Variants in CCSER1 observed in about 807,000 individuals in gnomAD.
The protein encoded by CCSER1 is serine-rich coiled-coil domain-containing protein 1.
CCSER1 carries 41 observed loss-of-function variants against 82.0 expected under a neutral mutation model. The observed-to-expected ratio is 0.50, with a 90% CI of 0.39 to 0.65. The LOEUF is 0.65. CCSER1 is among the 30% of genes least tolerant of loss of function. The probability of loss-of-function intolerance (pLI) is 0.00; values close to 1 mark genes in which losing one functional copy is unlikely to be tolerated. For synonymous variants in CCSER1, 414 were observed against 383.9 expected, an observed-to-expected ratio of 1.08 and a Z score of -0.92; for missense variants, 1,119 against 1,064.2, an observed-to-expected ratio of 1.05 and a Z score of -0.72.
intron 5 of CCSER1, among the ~76,000 whole-genome samples, chr4:90,515,793 G>T (rs1459566054): frequency 1.3e-5 from 2 of 152,110 alleles, no homozygotes; most frequent in East Asian, 3.9e-4. Context: ...ATTGTTATAT[G>T]TCAGAACTAG....
intron 9 of CCSER1, among the ~76,000 whole-genome samples, chr4:90,976,949 T>C (rs1047425002): frequency 2.6e-5 from 4 of 151,594 alleles, no homozygotes; most frequent in African/African-American, 9.7e-5. Context: ...TTCTCAGCAT[T>C]CATTCAGCAG....
intron 8 of CCSER1, among the ~76,000 whole-genome samples, chr4:90,898,310 C>A (rs1724056554): frequency 1.6e-5 from 1 of 60,608 alleles, no homozygotes; most frequent in Admixed American, 2.1e-4. Flanking sequence ...GAGACAGAGT[C>A]TTGCTCTTGT....
Position 90,137,415 on chromosome 4 carries a change from G to A in CCSER1, c.-42+9584G>A, listed in dbSNP as rs556344265. On this transcript the variant is annotated intron_variant, in intron 1 of 10. Transcript: ENST00000509176. ...AATGGGAAGTTTTACGTTGATTATC[G>A]GGACAATATAGTATGAATTCTAGCC... Among the ~76,000 whole-genome samples, 5 of 152,170 alleles carry A rather than the reference G, an allele frequency of 3.3e-5. 1 individual carries two copies. Among genetic ancestry groups the A allele is most frequent in the African/African-American group, 1.2e-4 (5 of 41,494 alleles).
At chr4:91,081,468 C>G (rs979336073) in intron 9 of CCSER1, among the ~76,000 whole-genome samples, 1 of 152,106 alleles carries the variant, frequency 6.6e-6, no homozygotes, top group Non-Finnish European at 1.5e-5. Flanking sequence ...ACTGAATGGG[C>G]AAAAACTGGA....
intron 5 of CCSER1, among the ~76,000 whole-genome samples, chr4:90,600,169 G>T (rs1783863340): frequency 6.6e-6 from 1 of 152,158 alleles, no homozygotes; most frequent in Admixed American, 6.6e-5. Flanking sequence ...AGGCTTCTAT[G>T]AACATGAGTG....
At chr4:91,487,462 A>C (rs1176850737) in intron 10 of CCSER1, among the ~76,000 whole-genome samples, 1 of 152,144 alleles carries the variant, frequency 6.6e-6, no homozygotes, top group Non-Finnish European at 1.5e-5. Flanking sequence ...AAAACTAAGT[A>C]ATTTGTATGT....
chr4:90,932,286 G>A (rs72882852), intron 9 of CCSER1, among the ~76,000 whole-genome samples: 2,357 of 152,128 alleles, frequency 0.015, 57 homozygotes, highest in African/African-American at 0.053. Flanking sequence ...TTTCAGGTTT[G>A]CCATTATTTT....
chr4:91,225,287 AAT>A (rs1423605619), intron 10 of CCSER1, among the ~76,000 whole-genome samples: 5 of 42,704 alleles, frequency 1.2e-4, no homozygotes, highest in South Asian at 7.0e-4. Flanking sequence ...TTATATATGT[AAT>A]ATATATGTAT....
intron 10 of CCSER1, among the ~76,000 whole-genome samples, chr4:91,230,135 G>A (rs1045097662): frequency 2.0e-5 from 3 of 152,038 alleles, no homozygotes; most frequent in African/African-American, 4.8e-5. Flanking sequence ...ATAAACTTTA[G>A]CCACAAACTT....
chr4:90,868,117 T>C (rs531103902), intron 8 of CCSER1, among the ~76,000 whole-genome samples: 10 of 152,222 alleles, frequency 6.6e-5, no homozygotes, highest in Admixed American at 1.3e-4. Context: ...TACTTTGATA[T>C]AGGCATGCAG....
intron 10 of CCSER1, among the ~76,000 whole-genome samples, chr4:91,234,141 G>A (rs777740514): frequency 1.1e-4 from 17 of 151,934 alleles, no homozygotes; most frequent in African/African-American, 2.4e-4. Context: ...TTTTGATTGC[G>A]TAAAATCCAT....
intron 6 of CCSER1, among the ~76,000 whole-genome samples, chr4:90,708,280 A>G (rs991048844): frequency 8.5e-5 from 13 of 152,204 alleles, no homozygotes; most frequent in African/African-American, 3.1e-4. Context: ...CTGAGGCTTA[A>G]TGTTCTCGCT....
intron 10 of CCSER1, among the ~76,000 whole-genome samples, chr4:91,314,159 G>A (rs948331680): frequency 2.6e-5 from 4 of 151,922 alleles, no homozygotes; most frequent in Non-Finnish European, 4.4e-5. Flanking sequence ...TACATACCCA[G>A]TTATGAAAAC....
chr4:90,763,964 T>A (rs1033056889), intron 7 of CCSER1, among the ~76,000 whole-genome samples: 2 of 152,228 alleles, frequency 1.3e-5, no homozygotes, highest in African/African-American at 4.8e-5. Flanking sequence ...TATAAAGAGC[T>A]TCTAATTTCA....
At chr4:90,259,436 T>A (rs958606772) in intron 1 of CCSER1, among the ~76,000 whole-genome samples, 4 of 152,120 alleles carry the variant, frequency 2.6e-5, no homozygotes, top group South Asian at 4.1e-4. Context: ...TGACTTCTTT[T>A]TTTTTCCCAA....
intron 6 of CCSER1, among the ~76,000 whole-genome samples, chr4:90,696,814 C>A (rs1284590601): frequency 6.6e-6 from 1 of 152,056 alleles, no homozygotes; most frequent in African/African-American, 2.4e-5. Context: ...TATAACTTGC[C>A]TAAGGTCACA....
At chr4:91,263,179 C>G (rs1035208553) in intron 10 of CCSER1, among the ~76,000 whole-genome samples, 1 of 152,134 alleles carries the variant, frequency 6.6e-6, no homozygotes, top group African/African-American at 2.4e-5. Context: ...ATCAAAATAG[C>G]TATGCCTGGT....
chr4:90,492,338 G>T (rs928723889), intron 5 of CCSER1, among the ~76,000 whole-genome samples: 1 of 152,106 alleles, frequency 6.6e-6, no homozygotes, highest in Non-Finnish European at 1.5e-5. Flanking sequence ...ATAGTAGTTT[G>T]TATATCTGTG....
intron 10 of CCSER1, among the ~76,000 whole-genome samples, chr4:91,212,888 CCTT>C (rs1560519496): frequency 6.6e-6 from 1 of 152,106 alleles, no homozygotes; most frequent in Non-Finnish European, 1.5e-5. Flanking sequence ...TTGCCCACCT[CCTT>C]CTCTCCCTAC....
Sources: allele counts gnomAD v4.1 joint callset (sites outside exome capture counted in the v4.1 genomes callset), GRCh38; gene constraint gnomAD v4.1.1; transcripts MANE v1.5; gene names NCBI Gene and HGNC (gene_info 2026-07-23, HGNC 2026-07-21).